Variants in ELL2 observed in about 807,000 individuals in gnomAD.
ELL2 encodes RNA polymerase II elongation factor ELL2.
A neutral mutation model predicts 72.8 loss-of-function variants in ELL2; 21 were observed. The ratio of observed to expected loss-of-function variants is 0.29; its 90% CI spans 0.20 to 0.42. The LOEUF (loss-of-function observed/expected upper bound fraction) is 0.42. Ranked by LOEUF, ELL2 falls within the 10% of genes least tolerant of loss-of-function variation. ELL2 has a pLI of 1.00. For missense variants in ELL2, 568 were observed against 772.8 expected (o/e 0.73, Z 3.14); for synonymous variants, 266 against 283.2 (o/e 0.94, Z 0.61).
chr5:95,941,768 C>T (rs1316234051), intron 2 of ELL2, among the ~76,000 whole-genome samples: 7 of 152,168 alleles, frequency 4.6e-5, no homozygotes, highest in Admixed American at 4.6e-4. Context: ...GACCCTGGCA[C>T]ATCTCTTCAG....
At chr5:95,923,848 T>C (rs1389680853) in intron 2 of ELL2, among the ~76,000 whole-genome samples, 1 of 152,248 alleles carries the variant, frequency 6.6e-6, no homozygotes, top group Non-Finnish European at 1.5e-5. Context: ...ATCTAATTTC[T>C]TGAAGATGTA....
chr5:95,918,875 TC>T (rs1379574384), intron 3 of ELL2, among the ~76,000 whole-genome samples: 6 of 130,136 alleles, frequency 4.6e-5, no homozygotes, highest in African/African-American at 2.0e-4. Context: ...GTCTTCCTCC[TC>T]CTTTTTTTTT....
intron 1 of ELL2, among the ~76,000 whole-genome samples, chr5:95,956,950 A>G (rs923309682): frequency 2.0e-5 from 3 of 152,234 alleles, no homozygotes; most frequent in African/African-American, 4.8e-5. Context: ...ATTTCAATCC[A>G]ATGGAGTTGA....
intron 2 of ELL2, among the ~76,000 whole-genome samples, chr5:95,921,569 C>T (rs988444795): frequency 3.3e-5 from 5 of 152,186 alleles, no homozygotes; most frequent in Admixed American, 6.5e-5. Flanking sequence ...TGGGTGTGCA[C>T]GCTCAGCGCC....
intron 8 of ELL2, 108 bp from the exon 9 acceptor site, chr5:95,895,799 C>G (rs1165283061): frequency 2.3e-6 from 2 of 883,614 alleles, no homozygotes; most frequent in Non-Finnish European, 3.7e-6. Flanking sequence ...TCCTCAAATT[C>G]TATTCTTCCA....
At chr5:95,913,723 G>T in intron 4 of ELL2, 48 bp downstream of exon 4, 1 of 1,498,638 alleles carries the variant, frequency 6.7e-7, no homozygotes, top group South Asian at 1.4e-5. Context: ...TGGTGATCTT[G>T]AATTACTCCA....
At position 95,919,472 on chromosome 5, in the gene ELL2, T is replaced by C; in HGVS notation, c.269A>G (p.Lys90Arg). 1.3e-6 allele frequency: 2 copies of C among 1,596,764 alleles called. No homozygotes were observed. Among genetic ancestry groups the C allele is most frequent in the Non-Finnish European group, 8.5e-7 (1 of 1,174,532 alleles). ...GTCAAAGCTGCCCTGAGGGTTGTCT[T>C]TGCCCACATTTGACAAATAAAAGTT... is the stretch of plus-strand genomic sequence containing the variant. ...NFNFYLSNVG[K>R]DNPQGSFDCI... is the part of the protein sequence containing the mutation. The change falls in exon 3 of 12, where the codon AAA becomes AGA. Residue 90 changes from lysine (K) to arginine (R), a missense_variant. Lys to Arg is a conservative substitution (Grantham distance 26). Around this residue, in one of 2 missense-constraint regions of ELL2, gnomAD observed 511 missense variants for 728.4 expected, o/e 0.70. Coordinates refer to ENST00000237853, the MANE Select transcript of ELL2 (RefSeq NM_012081.6).
At chr5:95,956,581 T>C (rs1256351485) in intron 1 of ELL2, among the ~76,000 whole-genome samples, 4 of 152,170 alleles carry the variant, frequency 2.6e-5, no homozygotes, top group Admixed American at 6.5e-5. Context: ...AGGCAGATTA[T>C]TGAAAACACA....
chr5:95,930,143 T>TA (rs1309434876), intron 2 of ELL2, among the ~76,000 whole-genome samples: 1 of 152,158 alleles, frequency 6.6e-6, no homozygotes, highest in Non-Finnish European at 1.5e-5. Context: ...AATTTTGTTT[T>TA]AAAAAATGGT....
chr5:95,945,361 A>G (rs1007694067), intron 1 of ELL2, among the ~76,000 whole-genome samples: 1 of 152,190 alleles, frequency 6.6e-6, no homozygotes, highest in African/African-American at 2.4e-5. Context: ...ACTACATGCC[A>G]CTAGAATCAC....
chr5:95,938,998 A>G (rs6861531), intron 2 of ELL2, among the ~76,000 whole-genome samples: 48,948 of 152,012 alleles, frequency 0.32, 9,218 homozygotes, highest in African/African-American at 0.53. Flanking sequence ...GCCAGCAGAT[A>G]TGGGCATTAT....
intron 10 of ELL2, chr5:95,890,812 C>T (rs991171242): frequency 1.2e-5 from 5 of 409,432 alleles, no homozygotes; most frequent in Non-Finnish European, 2.3e-5. Flanking sequence ...AAATAGTTAG[C>T]TGAATCTCAA....
chr5:95,951,712 A>G lies in ELL2; in HGVS notation c.148-8663T>C, dbSNP rs115565078. On this transcript the variant is annotated intron_variant, in intron 1 of 11. Transcript: ENST00000237853. ...CTACTTGATCATATTTAATGTTCTGAAAAGATCACTCTAGCTGCTGTGGAT... is the reference window on the plus strand; with the variant it reads ...CTACTTGATCATATTTAATGTTCTGGAAAGATCACTCTAGCTGCTGTGGAT... Among the ~76,000 whole-genome samples the G allele has an allele frequency of 2.5e-3, 383 of 152,306 alleles. 1 individual carries two copies. The highest frequency in any genetic ancestry group is 8.8e-3 in the African/African-American group (367 of 41,560).
intron 4 of ELL2, among the ~76,000 whole-genome samples, chr5:95,912,905 A>C (rs1470040826): frequency 6.6e-6 from 1 of 152,220 alleles, no homozygotes; most frequent in Non-Finnish European, 1.5e-5. Flanking sequence ...TGGTTCTTCA[A>C]GAGACTTTCT....
At chr5:95,924,822 G>C (rs1304732183) in intron 2 of ELL2, among the ~76,000 whole-genome samples, 2 of 152,188 alleles carry the variant, frequency 1.3e-5, no homozygotes, top group Non-Finnish European at 2.9e-5. Flanking sequence ...TGTATACCAA[G>C]ATGTGTAAGT....
In ELL2 at chr5:95,886,118, A is replaced by C. The variant is rs1479421809; in HGVS notation, c.*2753T>G. The C allele has an allele frequency of 6.6e-6, 1 of 151,886 alleles. No individual in the cohort carries two copies. The highest frequency in any genetic ancestry group is 1.5e-5 in the Non-Finnish European group (1 of 68,000). 9.4% of individuals were successfully genotyped at this position (151,886 alleles called of 1,614,324 possible). ...CTATTTTTCACACCATCCTTCCAAA[A>C]AAGAAAAGAAAAAAAACTAGATAAA... On this transcript the variant is annotated 3_prime_UTR_variant, in exon 12 of 12. Coordinates refer to ENST00000237853, the MANE Select transcript of ELL2 (RefSeq NM_012081.6).
At chr5:95,889,337 C>G (rs1580473765) in intron 10 of ELL2, among the ~76,000 whole-genome samples, 1 of 152,300 alleles carries the variant, frequency 6.6e-6, no homozygotes, top group South Asian at 2.1e-4. Flanking sequence ...CCTATGGACA[C>G]ACTTGCTCCC....
chr5:95,889,031 G>C, intron 11 of ELL2, 44 bp from the exon 12 acceptor site: 1 of 1,533,744 alleles, frequency 6.5e-7, no homozygotes, highest in South Asian at 1.2e-5. Context: ...TGAGATTGCA[G>C]AATTTACAAC....
chr5:95,919,601 GTC>G, intron 2 of ELL2, 56 bp from the exon 3 acceptor site: 3 of 1,498,672 alleles, frequency 2.0e-6, no homozygotes, highest in Non-Finnish European at 2.7e-6. Flanking sequence ...CCATAGAAAA[GTC>G]TTAAGACTGA....
Sources: gnomAD v4.1 joint callset for allele counts (sites outside exome capture counted in the v4.1 genomes callset) on GRCh38, gnomAD v4.1.1 for gene constraint, gnomAD v4.1.1 regional missense constraint, MANE v1.5 for transcripts, NCBI Gene and HGNC (gene_info 2026-07-23, HGNC 2026-07-21) for gene names.